RAPGEF6: variants seen among roughly 807,000 people sequenced by gnomAD.
RAPGEF6 encodes the protein PDZ domain containing guanine nucleotide exchange factor (GEF) 2.
Under a neutral mutation model 171.4 loss-of-function variants are expected in RAPGEF6, and 56 were observed. That is an observed-to-expected ratio of 0.33 (90% CI 0.26 to 0.41). The LOEUF (loss-of-function observed/expected upper bound fraction) is 0.41. RAPGEF6 is among the 10% of genes least tolerant of loss of function. RAPGEF6 has a pLI of 1.00. For missense variants in RAPGEF6, 1,674 were observed against 1,921.4 expected (o/e 0.87, Z 2.41); for synonymous variants, 692 against 650.1 (o/e 1.06, Z -0.98).
chr5:131,449,684 G>A (rs983087359), intron 21 of RAPGEF6, among the ~76,000 whole-genome samples: 1 of 152,148 alleles, frequency 6.6e-6, no homozygotes, highest in African/African-American at 2.4e-5. Flanking sequence ...TAGGGTAGTA[G>A]TAGAATTAAG....
chr5:131,500,657 C>T (rs1756960138), intron 11 of RAPGEF6, among the ~76,000 whole-genome samples: 1 of 152,142 alleles, frequency 6.6e-6, no homozygotes, highest in African/African-American at 2.4e-5. Flanking sequence ...TCTGGCCACC[C>T]TTCCTCCCTA....
At chr5:131,632,571 C>T (rs187481774) in intron 1 of RAPGEF6, among the ~76,000 whole-genome samples, 2 of 152,160 alleles carry the variant, frequency 1.3e-5, no homozygotes, top group Non-Finnish European at 2.9e-5. Flanking sequence ...ACTCTTCATG[C>T]TATCAGAATG....
At chr5:131,588,537 G>A (rs1580631938) in intron 4 of RAPGEF6, among the ~76,000 whole-genome samples, 1 of 152,222 alleles carries the variant, frequency 6.6e-6, no homozygotes, top group East Asian at 1.9e-4. Context: ...GAGGTCAAGA[G>A]GTCGAGACCA....
rs149807435 is a variant in RAPGEF6, at chr5:131,556,760, A to G, written c.351+5218T>C. ...AATGGCACAAAATGCAAAACACAAA[A>G]TAAACACTATACTTGATGGCATATT... On this transcript the variant is annotated intron_variant, in intron 5 of 27. Transcript: ENST00000509018. Among the ~76,000 whole-genome samples the G allele has an allele frequency of 7.9e-4, 120 of 152,316 alleles. 1 individual carries two copies. Among genetic ancestry groups the G allele is most frequent in the African/African-American group, 2.7e-3 (111 of 41,564 alleles).
At chr5:131,585,093 A>G (rs187970661) in intron 4 of RAPGEF6, among the ~76,000 whole-genome samples, 3 of 152,338 alleles carry the variant, frequency 2.0e-5, no homozygotes, top group African/African-American at 7.2e-5. Flanking sequence ...ATGAAAATTA[A>G]AACTGGCACA....
intron 4 of RAPGEF6, among the ~76,000 whole-genome samples, chr5:131,567,094 T>TC: frequency 1.5e-5 from 1 of 68,914 alleles, no homozygotes; most frequent in South Asian, 5.9e-4. Context: ...AACTCTTGTC[T>TC]CAAAAAAAAA....
intron 5 of RAPGEF6, among the ~76,000 whole-genome samples, chr5:131,549,727 CTTTTA>C (rs1033758487): frequency 1.3e-5 from 2 of 150,652 alleles, no homozygotes; most frequent in Admixed American, 1.3e-4. Context: ...TTTTTTTTAA[CTTTTA>C]TTTTAAGTTC....
At position 131,495,567 on chromosome 5, in the gene RAPGEF6, T is replaced by A; in HGVS notation, c.1513A>T (p.Asn505Tyr). The A allele has an allele frequency of 1.9e-6, 3 of 1,613,640 alleles. No homozygotes were observed. Among genetic ancestry groups the A allele is most frequent in the Non-Finnish European group, 2.5e-6 (3 of 1,179,666 alleles). The change falls in exon 13 of 28, where the codon AAT (asparagine) becomes TAT (tyrosine). Residue 505 changes from asparagine to tyrosine, a missense_variant. Around this residue, in one of 3 missense-constraint regions of RAPGEF6, gnomAD observed 1,116 missense variants for 1,321.5 expected, o/e 0.84. Transcript: ENST00000509018. ...MTRFLEEFEK[N>Y]LEDTKMNGHL... ...TTGAGCCTTACTGTATCTTCCAGAT[T>A]TTTTTCAAATTCCTCTAGAAATCGA...
chr5:131,483,258 A>G lies in RAPGEF6; in HGVS notation c.1841-3505T>C, dbSNP rs1264973666. Among the ~76,000 whole-genome samples the G allele has an allele frequency of 3.3e-5, 5 of 151,742 alleles. 1 individual carries two copies. Among genetic ancestry groups the G allele is most frequent in the Admixed American group, 3.3e-4 (5 of 15,222 alleles). On this transcript the variant is annotated intron_variant, in intron 15 of 27. Transcript: ENST00000509018. The stretch of plus-strand genomic sequence containing the variant: ...CAGTTACTCCAGAGGCTGAGACAGT[A>G]GAATCGCTTGAACCTGGGAGGCGGA...
intron 3 of RAPGEF6, among the ~76,000 whole-genome samples, chr5:131,597,228 G>A (rs1028556968): frequency 2.6e-5 from 4 of 151,858 alleles, no homozygotes; most frequent in Admixed American, 6.6e-5. Context: ...AAGTGTTGGC[G>A]AGGATTTCAG....
intron 4 of RAPGEF6, among the ~76,000 whole-genome samples, chr5:131,579,386 G>T (rs1258961708): frequency 6.6e-6 from 1 of 152,248 alleles, no homozygotes; most frequent in Non-Finnish European, 1.5e-5. Flanking sequence ...GGCACAGCCT[G>T]CTTTTATTCC....
intron 5 of RAPGEF6, among the ~76,000 whole-genome samples, chr5:131,550,039 C>T (rs1342224126): frequency 6.6e-6 from 1 of 152,152 alleles, no homozygotes; most frequent in South Asian, 2.1e-4. Flanking sequence ...ACATTCTCAG[C>T]ACCCCTGCTT....
chr5:131,521,373 A>G lies in RAPGEF6; in HGVS notation c.627+17T>C, dbSNP rs750864887. 1.6e-5 allele frequency: 25 copies of G among 1,578,424 alleles called. No individual in the cohort carries two copies. The African/African-American group carries it at 2.5e-4, about 16-fold the overall frequency. On this transcript the variant is annotated intron_variant, in intron 7 of 27. Transcript: ENST00000509018. The stretch of plus-strand genomic sequence containing the variant: ...AAAAAAACCATATACGCAGCATACA[A>G]ATTCCTAAGGTATTACCTGATAGAT...
chr5:131,507,824 T>C (rs1034067129), intron 9 of RAPGEF6, among the ~76,000 whole-genome samples: 2 of 152,200 alleles, frequency 1.3e-5, no homozygotes, highest in Admixed American at 6.5e-5. Context: ...ATTTGGTTCA[T>C]TGAATATTAT....
intron 3 of RAPGEF6, among the ~76,000 whole-genome samples, 156 bp downstream of exon 3, chr5:131,603,115 T>C (rs1472889820): frequency 6.6e-6 from 1 of 152,164 alleles, no homozygotes. Context: ...TTTGTACACT[T>C]TTGGTGGATT....
intron 6 of RAPGEF6, among the ~76,000 whole-genome samples, chr5:131,531,842 A>C (rs1034387523): frequency 6.6e-6 from 1 of 152,350 alleles, no homozygotes; most frequent in African/African-American, 2.4e-5. Context: ...TAATCAAAAA[A>C]TAATTCAGTC....
chr5:131,618,918 A>G (rs1332966559), intron 1 of RAPGEF6, among the ~76,000 whole-genome samples: 2 of 152,144 alleles, frequency 1.3e-5, no homozygotes, highest in African/African-American at 4.8e-5. Context: ...ACCACCACCT[A>G]TGCAGTTTCT....
chr5:131,470,531 G>C lies in RAPGEF6; in HGVS notation c.2239+2056C>G, dbSNP rs180755313. Among the ~76,000 whole-genome samples the C allele has an allele frequency of 3.9e-5, 6 of 152,186 alleles. No individual in the cohort carries two copies. In the East Asian group the frequency reaches 1.2e-3, roughly 29 times the overall value. On this transcript the variant is annotated intron_variant, in intron 17 of 27. Coordinates refer to ENST00000509018, the MANE Select transcript of RAPGEF6 (RefSeq NM_016340.6). Reference sequence around the variant, plus strand: ...TACATATACCTATGGCAAACATACAGCCATATAAATTATTAAAACTACAAA... The same window carrying C: ...TACATATACCTATGGCAAACATACACCCATATAAATTATTAAAACTACAAA...
At chr5:131,620,792 A>C (rs1420818571) in intron 1 of RAPGEF6, among the ~76,000 whole-genome samples, 1 of 152,166 alleles carries the variant, frequency 6.6e-6, no homozygotes, top group Non-Finnish European at 1.5e-5. Flanking sequence ...GCATTTTGCC[A>C]TGTTGGCTAG....
Sources: gnomAD v4.1 joint callset for allele counts (sites outside exome capture counted in the v4.1 genomes callset) on GRCh38, gnomAD v4.1.1 for gene constraint, gnomAD v4.1.1 regional missense constraint, MANE v1.5 for transcripts, NCBI Gene and HGNC (gene_info 2026-07-23, HGNC 2026-07-21) for gene names.